VPS18: variants seen among roughly 807,000 people sequenced by gnomAD.
VPS18 encodes the protein vacuolar protein sorting-associated protein 18 homolog.
A neutral mutation model predicts 82.0 loss-of-function variants in VPS18; 25 were observed. The ratio of observed to expected loss-of-function variants is 0.30; its 90% CI spans 0.22 to 0.43. The LOEUF (loss-of-function observed/expected upper bound fraction) is 0.43, where lower values mean the gene tolerates loss of function less well. Ranked by LOEUF, VPS18 falls within the 20% of genes least tolerant of loss-of-function variation. The pLI is 1.00. For synonymous variants in VPS18, 523 were observed against 543.0 expected, an observed-to-expected ratio of 0.96 and a Z score of 0.51; for missense variants, 1,168 against 1,311.1, an observed-to-expected ratio of 0.89 and a Z score of 1.69.
At position 40,898,986 on chromosome 15, in the gene VPS18, C is replaced by T. The variant is rs1042712389; in HGVS notation, c.313C>T (p.Leu105Phe). The T allele has an allele frequency of 1.9e-5, 30 of 1,613,962 alleles. No homozygotes were observed. Among genetic ancestry groups the T allele is most frequent in the Non-Finnish European group, 2.5e-5 (29 of 1,180,006 alleles). ...TGACGCAAAAGTTCACAAGATGTTC[C>T]TTGACCATACTGGTAAGTAACAGTG... ...KDDAKVHKMF[L>F]DHTGSHLLIA... The change falls in exon 3 of 5, where the codon CTT becomes TTT. Residue 105 changes from leucine (L) to phenylalanine (F), a missense_variant. This residue lies in a region of VPS18 where 868 missense variants were observed against 939.8 expected (regional missense o/e 0.92). Transcript: ENST00000220509.
chr15:40,898,207 G>T (rs1892265617), intron 2 of VPS18, among the ~76,000 whole-genome samples: 1 of 151,756 alleles, frequency 6.6e-6, no homozygotes. Flanking sequence ...GCCCGCCTTG[G>T]CCTCCCAAAG....
Position 40,899,170 on chromosome 15 carries a change from A to G in VPS18, c.352A>G (p.Ser118Gly), listed in dbSNP as rs1167376968. The change falls in exon 4 of 5, where the codon AGC becomes GGC. Residue 118 changes from serine to glycine, a missense_variant. Physicochemically the swap from Ser to Gly is moderately conservative, Grantham distance 56 (BLOSUM62 0). Coordinates refer to ENST00000220509, the MANE Select transcript of VPS18 (RefSeq NM_020857.3). The surrounding 1 kb of genome is among the most constrained non-coding windows in gnomAD (Gnocchi z 4.4). ...CTCTCACCTGCTGATTGCCCTGAGC[A>G]GCACGGAGGTCCTCTACGTGAACCG... ...TGSHLLIALSSTEVLYVNRNG... is the reference protein window; with the variant it reads ...TGSHLLIALSGTEVLYVNRNG... The G allele has an allele frequency of 4.3e-6, 7 of 1,613,904 alleles. No individual in the cohort carries two copies. The Admixed American group carries it at 1.2e-4, about 27-fold the overall frequency.
chr15:40,894,751 G>A lies in VPS18; in HGVS notation c.-18G>A. Reference sequence around the variant, plus strand: ...GTAATCCCCAGGCCCCGGACAAAGAGCCCAGAGGCCGGGCACCATGGCGTC... The same window carrying A: ...GTAATCCCCAGGCCCCGGACAAAGAACCCAGAGGCCGGGCACCATGGCGTC... On this transcript the variant is annotated 5_prime_UTR_variant, in exon 1 of 5. Coordinates refer to ENST00000220509, the MANE Select transcript of VPS18 (RefSeq NM_020857.3). 1 of 1,542,716 alleles carries A rather than the reference G, an allele frequency of 6.5e-7. No homozygotes were observed. Among genetic ancestry groups the A allele is most frequent in the South Asian group, 1.2e-5 (1 of 83,248 alleles).
intron 2 of VPS18, 84 bp downstream of exon 2, chr15:40,896,163 C>T (rs1892226666): frequency 2.6e-6 from 4 of 1,561,576 alleles, no homozygotes; most frequent in South Asian, 1.2e-5. Context: ...TCTTCTATTC[C>T]AGGCAAGTAA....
Position 40,903,012 on chromosome 15 carries a change from T to C in VPS18, c.2593T>C (p.Phe865Leu), listed in dbSNP as rs771850875. 6.2e-7 allele frequency: 1 copy of C among 1,614,208 alleles called. No individual in the cohort carries two copies. Among genetic ancestry groups the C allele is most frequent in the South Asian group, 1.1e-5 (1 of 91,086 alleles). Residue 865 changes from phenylalanine (F) to leucine (L), a missense_variant, in exon 5 of 5, where the codon TTT becomes CTT. Phe to Leu is a conservative substitution (Grantham distance 22). Around this residue, in one of 3 missense-constraint regions of VPS18, gnomAD observed 296 missense variants for 354.0 expected, o/e 0.84. Coordinates refer to ENST00000220509, the MANE Select transcript of VPS18 (RefSeq NM_020857.3). ...CGACTTCCCCCTGCTCAACCGCCCT[T>C]TTTACCTCTTCCTCTGTGGCCATAT... ...TCDFPLLNRP[F>L]YLFLCGHMFH...
Position 40,903,556 on chromosome 15 carries a change from AC to A in VPS18, c.*217del. On this transcript the variant is annotated 3_prime_UTR_variant, in exon 5 of 5. Transcript: ENST00000220509. ...TTCTTCAGAGCTGCAGTTATGCCAGACCATCAGCCTGCCTCCCAGTAGAGGC... is the reference window on the plus strand; with the variant it reads ...TTCTTCAGAGCTGCAGTTATGCCAGACATCAGCCTGCCTCCCAGTAGAGGC... The A allele has an allele frequency of 3.3e-6, 2 of 599,990 alleles. No individual in the cohort carries two copies. The highest frequency in any genetic ancestry group is 2.6e-6 in the Non-Finnish European group (1 of 390,210). 37.2% of individuals were successfully genotyped at this position (599,990 alleles called of 1,614,324 possible).
In VPS18 at chr15:40,894,637, A is replaced by C; in HGVS notation, c.-132A>C. ...TCCTCAGGATTTTAAAGAGGAGGCG[A>C]CGGCTGCAGGTTCCCAGGATCTGTC... On this transcript the variant is annotated 5_prime_UTR_variant, in exon 1 of 5. Coordinates refer to ENST00000220509, the MANE Select transcript of VPS18 (RefSeq NM_020857.3). 1.3e-6 allele frequency: 1 copy of C among 766,574 alleles called. No individual in the cohort carries two copies. Among genetic ancestry groups the C allele is most frequent in the East Asian group, 3.1e-5 (1 of 32,632 alleles). 47.5% of individuals were successfully genotyped at this position (766,574 alleles called of 1,614,324 possible). A position where few individuals can be genotyped will look rare whatever the true frequency, so the allele number is the denominator to read the frequency against.
At position 40,903,285 on chromosome 15, in the gene VPS18, G is replaced by A. The variant is rs143629720; in HGVS notation, c.2866G>A (p.Asp956Asn). The change falls in exon 5 of 5, where the codon GAC (aspartate) becomes AAC (asparagine). Residue 956 changes from aspartate (D) to asparagine (N), a missense_variant. Around this residue, in one of 3 missense-constraint regions of VPS18, gnomAD observed 296 missense variants for 354.0 expected, o/e 0.84. Coordinates refer to ENST00000220509, the MANE Select transcript of VPS18 (RefSeq NM_020857.3). ...YCGELMIRSI[D>N]RPFIDPQRYE... Reference sequence around the variant, plus strand: ...TGGGGAGCTGATGATCCGCTCTATCGACCGGCCGTTCATCGACCCCCAGCG... The same window carrying A: ...TGGGGAGCTGATGATCCGCTCTATCAACCGGCCGTTCATCGACCCCCAGCG... 276 of 1,572,344 alleles carry A rather than the reference G, an allele frequency of 1.8e-4. No individual in the cohort carries two copies. Among genetic ancestry groups the A allele is most frequent in the East Asian group, 2.2e-4 (10 of 44,446 alleles).
rs1447695372 is a variant in VPS18, at chr15:40,899,942, C to T, written c.1124C>T (p.Thr375Ile). Residue 375 changes from threonine (T) to isoleucine (I), a missense_variant, in exon 4 of 5, where the codon ACA (threonine) becomes ATA (isoleucine). By Grantham distance (89) the Thr-to-Ile change is moderately conservative (BLOSUM62 -1). Around this residue, in one of 3 missense-constraint regions of VPS18, gnomAD observed 868 missense variants for 939.8 expected, o/e 0.92. Transcript: ENST00000220509. The surrounding 1 kb of genome is among the most constrained non-coding windows in gnomAD (Gnocchi z 4.4). ...PLKHMVKDSS[T>I]GQLWAYTERA... The stretch of plus-strand genomic sequence containing the variant: ...AAGCACATGGTGAAGGACTCCTCCA[C>T]AGGCCAGCTGTGGGCCTACACTGAG... 4 of 1,613,698 alleles carry T rather than the reference C, an allele frequency of 2.5e-6. No individual in the cohort carries two copies. In the South Asian group the frequency reaches 3.3e-5, roughly 13 times the overall value.
Position 40,901,000 on chromosome 15 carries a change from G to C in VPS18, c.2182G>C (p.Asp728His). ...KVLELYEEAV[D>H]LALQVDVDLA... is the part of the protein sequence containing the mutation. ...CCTAGAGCTGTATGAGGAGGCCGTGGACCTGGCCCTGCAGGTAAGCCAGTA... is the reference window on the plus strand; with the variant it reads ...CCTAGAGCTGTATGAGGAGGCCGTGCACCTGGCCCTGCAGGTAAGCCAGTA... Residue 728 changes from aspartate to histidine, a missense_variant, in exon 4 of 5, where the codon GAC becomes CAC. By Grantham distance (81) the Asp-to-His change is moderately conservative (BLOSUM62 -1). Coordinates refer to ENST00000220509, the MANE Select transcript of VPS18 (RefSeq NM_020857.3). The surrounding 1 kb of genome is among the most constrained non-coding windows in gnomAD (Gnocchi z 5.4). 6.2e-7 allele frequency: 1 copy of C among 1,601,296 alleles called. No homozygotes were observed.
chr15:40,896,858 G>A (rs1892239201), intron 2 of VPS18, among the ~76,000 whole-genome samples: 1 of 151,698 alleles, frequency 6.6e-6, no homozygotes, highest in African/African-American at 2.4e-5. Flanking sequence ...GTTTAGGAGT[G>A]TAGACTTAAG....
Position 40,903,122 on chromosome 15 carries a change from G to C in VPS18, c.2703G>C (p.Lys901Asn), listed in dbSNP as rs1892391460. ...KQARLEELQRKLGAAPPPAKG... is the reference protein window; with the variant it reads ...KQARLEELQRNLGAAPPPAKG... ...CCCGGCTGGAGGAGCTGCAGAGGAA[G>C]CTGGGGGCTGCTCCACCCCCAGCCA... The change falls in exon 5 of 5, where the codon AAG becomes AAC. Residue 901 changes from lysine (K) to asparagine (N), a missense_variant. Physicochemically the swap from Lys to Asn is moderately conservative, Grantham distance 94. Transcript: ENST00000220509. 6.2e-7 allele frequency: 1 copy of C among 1,610,828 alleles called. No homozygotes were observed. Among genetic ancestry groups the C allele is most frequent in the Non-Finnish European group, 8.5e-7 (1 of 1,178,562 alleles).
rs1265412662 is a variant in VPS18 at position 40,899,763 on chromosome 15, A to C, written c.945A>C (p.Pro315=). The C allele has an allele frequency of 1.2e-6, 2 of 1,613,284 alleles. No homozygotes were observed. Among genetic ancestry groups the C allele is most frequent in the African/African-American group, 2.7e-5 (2 of 74,938 alleles). The change falls in exon 4 of 5, where the codon CCA becomes CCC. Residue 315 remains proline, a synonymous_variant. Transcript: ENST00000220509. The surrounding 1 kb of genome is among the most constrained non-coding windows in gnomAD (Gnocchi z 4.4). The stretch of plus-strand genomic sequence containing the variant: ...GCGAGGAGCGAGTCTGGGAGTACCC[A>C]GAGGGGGTAGGGCCTGGGGCCAGCC... ...LLSEERVWEY[P]EGVGPGASPP...
At position 40,902,014 on chromosome 15, in the gene VPS18, C is replaced by T. The variant is rs997456854; in HGVS notation, c.2197-602C>T. 6.6e-6 allele frequency among the ~76,000 whole-genome samples: 1 copy of T among 152,176 alleles called. No individual in the cohort carries two copies. Among genetic ancestry groups the T allele is most frequent in the Non-Finnish European group, 1.5e-5 (1 of 68,032 alleles). ...GCTATTTAACATGCAGTTCCTAGGC[C>T]TGAACTCAGGACTTACTGAATCAGA... On this transcript the variant is annotated intron_variant, in intron 4 of 4. Transcript: ENST00000220509. The surrounding 1 kb of genome is among the most constrained non-coding windows in gnomAD (Gnocchi z 4.2).
At position 40,900,762 on chromosome 15, in the gene VPS18, C is replaced by T. The variant is rs761516289; in HGVS notation, c.1944C>T (p.Tyr648=). ...EVQQVSQAIR[Y]MEFCVNVLGE... ...AGCAGGTGAGCCAGGCCATCCGCTA[C>T]ATGGAGTTCTGCGTGAACGTGCTGG... The change falls in exon 4 of 5, where the codon TAC becomes TAT. Residue 648 remains tyrosine, a synonymous_variant. Coordinates refer to ENST00000220509, the MANE Select transcript of VPS18 (RefSeq NM_020857.3). This position sits in a 1 kb window ranked among gnomAD's most constrained non-coding sequence, Gnocchi z 5.4. The T allele has an allele frequency of 6.2e-7, 1 of 1,614,092 alleles. No individual in the cohort carries two copies.
chr15:40,900,646 C>T lies in VPS18; in HGVS notation c.1828C>T (p.Leu610Phe). 6.2e-7 allele frequency: 1 copy of T among 1,614,208 alleles called. No individual in the cohort carries two copies. Among genetic ancestry groups the T allele is most frequent in the South Asian group, 1.1e-5 (1 of 91,088 alleles). ...CCTCATCCGTCACATCCCCCGCCAG[C>T]TTGTAGATGCCTGGATTGAGATGGG... is the stretch of plus-strand genomic sequence containing the variant. ...PILIRHIPRQ[L>F]VDAWIEMGSR... Residue 610 changes from leucine (L) to phenylalanine (F), a missense_variant, in exon 4 of 5, where the codon CTT (leucine) becomes TTT (phenylalanine). Physicochemically the swap from Leu to Phe is conservative, Grantham distance 22 (BLOSUM62 0). Around this residue, in one of 3 missense-constraint regions of VPS18, gnomAD observed 868 missense variants for 939.8 expected, o/e 0.92. Coordinates refer to ENST00000220509, the MANE Select transcript of VPS18 (RefSeq NM_020857.3). The surrounding 1 kb of genome is among the most constrained non-coding windows in gnomAD (Gnocchi z 5.4).
Position 40,900,186 on chromosome 15 carries a change from T to A in VPS18, c.1368T>A (p.Ile456=), listed in dbSNP as rs1892323212. ...YALTQSYFEE[I]ALKFLEARQE... ...TGACCCAGAGCTACTTTGAGGAGAT[T>A]GCCCTCAAGTTCCTGGAGGCCCGAC... Residue 456 remains isoleucine (I), a synonymous_variant, in exon 4 of 5, where the codon ATT becomes ATA. Transcript: ENST00000220509. The surrounding 1 kb of genome is among the most constrained non-coding windows in gnomAD (Gnocchi z 5.4). 2 of 1,613,800 alleles carry A rather than the reference T, an allele frequency of 1.2e-6. No individual in the cohort carries two copies. The highest frequency in any genetic ancestry group is 1.3e-5 in the African/African-American group (1 of 75,014).
chr15:40,900,907 C>T lies in VPS18; in HGVS notation c.2089C>T (p.Leu697Phe), dbSNP rs1194704062. ...GASPHRVHYD[L>F]KYALRLCAEH... ...CAGCCCCCACCGGGTGCATTACGAC[C>T]TCAAGTATGCGCTGCGGCTCTGCGC... The change falls in exon 4 of 5, where the codon CTC (leucine) becomes TTC (phenylalanine). Residue 697 changes from leucine (L) to phenylalanine (F), a missense_variant. This residue lies in a region of VPS18 where 868 missense variants were observed against 939.8 expected (regional missense o/e 0.92). Transcript: ENST00000220509. This position sits in a 1 kb window ranked among gnomAD's most constrained non-coding sequence, Gnocchi z 5.4. The T allele has an allele frequency of 1.9e-6, 3 of 1,613,866 alleles. No homozygotes were observed. The highest frequency in any genetic ancestry group is 1.3e-5 in the African/African-American group (1 of 74,954).
In VPS18 at chr15:40,903,503, G is replaced by C. The variant is rs1892402374; in HGVS notation, c.*162G>C. ...CTGTTGGCCAGGAGGTGTCAGGTGT[G>C]AGTGTATTCTGCCAGCTTTTCATGC... On this transcript the variant is annotated 3_prime_UTR_variant, in exon 5 of 5. Transcript: ENST00000220509. 3.1e-6 allele frequency: 3 copies of C among 969,816 alleles called. No individual in the cohort carries two copies. Among genetic ancestry groups the C allele is most frequent in the Non-Finnish European group, 4.3e-6 (3 of 705,488 alleles). The allele number at this position is 969,816 out of a possible 1,614,324, so 60.1% of individuals were successfully genotyped here.
Sources: gnomAD v4.1 joint callset for allele counts (sites outside exome capture counted in the v4.1 genomes callset) on GRCh38, gnomAD v4.1.1 for gene constraint, gnomAD v4.1.1 regional missense constraint, Gnocchi (gnomAD v3.1) non-coding constraint, MANE v1.5 for transcripts, NCBI Gene and HGNC (gene_info 2026-07-23, HGNC 2026-07-21) for gene names.